Variants in NCALD observed in about 807,000 individuals in gnomAD.
The protein encoded by NCALD is neurocalcin delta, also known as neurocalcin-delta.
Under a neutral mutation model 18.6 loss-of-function variants are expected in NCALD, and 10 were observed. That is an observed-to-expected ratio of 0.54 (90% confidence interval 0.33 to 0.91). The LOEUF is 0.91. Ranked by LOEUF, NCALD falls within the 40% of genes least tolerant of loss-of-function variation. The pLI, the probability that NCALD is intolerant of heterozygous loss-of-function variation, is 0.03. For synonymous variants in NCALD, 88 were observed against 87.4 expected, an observed-to-expected ratio of 1.01 and a Z score of -0.04; for missense variants, 184 against 247.6, an observed-to-expected ratio of 0.74 and a Z score of 1.72.
At chr8:101,702,633 C>T (rs1815322437) in intron 2 of NCALD, among the ~76,000 whole-genome samples, 2 of 152,200 alleles carry the variant, frequency 1.3e-5, no homozygotes, top group Non-Finnish European at 2.9e-5. Context: ...GCACTATGCC[C>T]TTTTATAACT....
Position 101,686,725 on chromosome 8 carries a change from A to T in NCALD, c.*2584T>A, listed in dbSNP as rs528010245. 3.9e-5 allele frequency: 6 copies of T among 152,602 alleles called. No individual in the cohort carries two copies. The highest frequency in any genetic ancestry group is 8.8e-5 in the Non-Finnish European group (6 of 68,052). 9.5% of individuals were successfully genotyped at this position (152,602 alleles called of 1,614,324 possible). On this transcript the variant is annotated 3_prime_UTR_variant, in exon 4 of 4. Transcript: ENST00000220931. ...CTGAATGATGTATGAACAGTTGAGC[A>T]CTCTGTAGAATCCTTCAGGTCGTAA...
intron 2 of NCALD, among the ~76,000 whole-genome samples, chr8:101,980,228 G>A (rs751758893): frequency 3.3e-5 from 5 of 152,138 alleles, no homozygotes; most frequent in Non-Finnish European, 7.4e-5. Flanking sequence ...TCTTCTCCCT[G>A]CCCACTCAAC....
At chr8:101,912,607 GA>G (rs1346898686) in intron 3 of NCALD, among the ~76,000 whole-genome samples, 6 of 152,200 alleles carry the variant, frequency 3.9e-5, no homozygotes, top group African/African-American at 7.2e-5. Context: ...TAGTTTGCTT[GA>G]AAGCAAGAAG....
chr8:102,015,051 G>A (rs1000708145), intron 2 of NCALD, among the ~76,000 whole-genome samples: 1 of 152,112 alleles, frequency 6.6e-6, no homozygotes, highest in African/African-American at 2.4e-5. Flanking sequence ...TCCCGAGATG[G>A]CTAGGAAATC....
chr8:101,875,496 G>T (rs1816193145), intron 4 of NCALD, among the ~76,000 whole-genome samples: 1 of 152,140 alleles, frequency 6.6e-6, no homozygotes, highest in South Asian at 2.1e-4. Context: ...GGTTACTGGG[G>T]TAACAGATAT....
intron 3 of NCALD, among the ~76,000 whole-genome samples, chr8:101,911,578 G>A (rs553838225): frequency 2.0e-5 from 3 of 152,034 alleles, no homozygotes; most frequent in Admixed American, 6.5e-5. Flanking sequence ...GGCTGGTCTC[G>A]AACTCCTGAC....
At chr8:102,054,662 ATAGATAGATAGATAGATAG>A (rs1563578071) in intron 1 of NCALD, among the ~76,000 whole-genome samples, 26 of 38,304 alleles carry the variant, frequency 6.8e-4, no homozygotes, top group Admixed American at 2.2e-3. Flanking sequence ...TTCTCTTCCG[ATAGATAGATAGATAGATAG>A]ATAGATAGAT....
chr8:101,735,442 T>C (rs1817033234), intron 1 of NCALD, among the ~76,000 whole-genome samples: 1 of 152,134 alleles, frequency 6.6e-6, no homozygotes, highest in South Asian at 2.1e-4. Flanking sequence ...AAAAGACAAA[T>C]GTTCCACCAT....
intron 1 of NCALD, among the ~76,000 whole-genome samples, chr8:101,738,997 C>A (rs563441453): frequency 6.6e-6 from 1 of 152,110 alleles, no homozygotes; most frequent in Non-Finnish European, 1.5e-5. Context: ...GCATTATCCC[C>A]CCATTTAGGG....
intron 2 of NCALD, among the ~76,000 whole-genome samples, chr8:101,700,218 G>A (rs1158540216): frequency 2.0e-5 from 3 of 151,748 alleles, no homozygotes; most frequent in Admixed American, 6.6e-5. Context: ...GCACCACCAC[G>A]CCCAGTTAAT....
At chr8:101,690,509 A>G (rs1111887) in intron 3 of NCALD, 974,832 of 985,372 alleles carry the variant, frequency 0.99, 482,591 homozygotes, top group Non-Finnish European at 1. Flanking sequence ...AGCCTCCAGT[A>G]TCTATCTTTT....
chr8:101,933,550 G>A (rs1382452913), intron 2 of NCALD, among the ~76,000 whole-genome samples: 2 of 152,230 alleles, frequency 1.3e-5, no homozygotes, highest in Non-Finnish European at 2.9e-5. Flanking sequence ...AAGCCTCTAA[G>A]TTTGTGGTGA....
intron 2 of NCALD, among the ~76,000 whole-genome samples, chr8:101,924,204 T>C (rs116615444): frequency 0.015 from 2,306 of 152,310 alleles, 47 homozygotes; most frequent in African/African-American, 0.05. Flanking sequence ...GTTTTAATAT[T>C]ATATAAAGAT....
chr8:101,997,556 C>T (rs546540778), intron 2 of NCALD, among the ~76,000 whole-genome samples: 16 of 152,124 alleles, frequency 1.1e-4, no homozygotes, highest in South Asian at 6.2e-4. Flanking sequence ...GGTAGTCCAC[C>T]GGAAAAGGAA....
intron 4 of NCALD, chr8:101,871,901 C>T (rs1003867604): frequency 1.5e-6 from 1 of 685,806 alleles, no homozygotes; most frequent in African/African-American, 1.8e-5. Flanking sequence ...AATACACCTT[C>T]AATCGGCTTC....
At chr8:101,738,552 C>CAAAAAAAAAAAAA (rs34205453) in intron 1 of NCALD, among the ~76,000 whole-genome samples, 13 of 127,910 alleles carry the variant, frequency 1.0e-4, no homozygotes, top group Non-Finnish European at 1.1e-4. Flanking sequence ...CTCAAAAAAA[C>CAAAAAAAAAAAAA]AAAAAAAAAA....
intron 2 of NCALD, among the ~76,000 whole-genome samples, chr8:101,706,329 AG>A (rs1295133063): frequency 6.6e-6 from 1 of 151,410 alleles, no homozygotes; most frequent in Non-Finnish European, 1.5e-5. Flanking sequence ...AAAAAAAAAA[AG>A]GGAGTGGTGG....
intron 4 of NCALD, among the ~76,000 whole-genome samples, chr8:101,827,259 T>C (rs1813975987): frequency 6.6e-6 from 1 of 152,214 alleles, no homozygotes; most frequent in Non-Finnish European, 1.5e-5. Flanking sequence ...TGCCTTTTTC[T>C]TTTCAGGACA....
intron 1 of NCALD, among the ~76,000 whole-genome samples, chr8:101,726,974 G>A (rs1816600279): frequency 6.6e-6 from 1 of 152,190 alleles, no homozygotes; most frequent in Non-Finnish European, 1.5e-5. Context: ...AGAACAAAAA[G>A]GAATGACCAG....
Sources: allele counts gnomAD v4.1 joint callset (sites outside exome capture counted in the v4.1 genomes callset), GRCh38; gene constraint gnomAD v4.1.1; transcripts MANE v1.5; gene names NCBI Gene and HGNC (gene_info 2026-07-23, HGNC 2026-07-21).